Variants in CUX2 observed in about 807,000 individuals in gnomAD.
CUX2 encodes the protein cut like homeobox 2.
Under a neutral mutation model 144.8 loss-of-function variants are expected in CUX2, and 40 were observed. The ratio of observed to expected loss-of-function variants is 0.28; its 90% confidence interval spans 0.21 to 0.36. The LOEUF is 0.36. CUX2 is among the 10% of genes least tolerant of loss of function. The pLI, the probability that CUX2 is intolerant of heterozygous loss-of-function variation, is 1.00. For missense variants in CUX2, 1,615 were observed against 1,994.0 expected, an observed-to-expected ratio of 0.81 and a Z score of 3.62; for synonymous variants, 827 against 875.6, an observed-to-expected ratio of 0.94 and a Z score of 0.98.
intron 1 of CUX2, among the ~76,000 whole-genome samples, chr12:111,113,044 AG>A (rs1309873346): frequency 6.6e-6 from 1 of 152,314 alleles, no homozygotes; most frequent in African/African-American, 2.4e-5. Context: ...AAAGCATAGG[AG>A]CTTGCCAGGG....
intron 1 of CUX2, among the ~76,000 whole-genome samples, chr12:111,201,390 C>A (rs1232870828): frequency 1.3e-5 from 2 of 152,194 alleles, no homozygotes; most frequent in African/African-American, 4.8e-5. Flanking sequence ...AACTTCCCAA[C>A]CTAATCCCCA....
chr12:111,195,083 G>A (rs977134072), intron 1 of CUX2, among the ~76,000 whole-genome samples: 2 of 152,174 alleles, frequency 1.3e-5, no homozygotes, highest in South Asian at 2.1e-4. Context: ...GCCACAAACA[G>A]CCCCGTGGCC....
intron 1 of CUX2, among the ~76,000 whole-genome samples, chr12:111,043,191 G>C (rs568827280): frequency 4.9e-4 from 74 of 152,350 alleles, no homozygotes; most frequent in African/African-American, 1.6e-3. Flanking sequence ...CATGGGACGA[G>C]TGGATGCACA....
chr12:111,331,242 C>T (rs920153027), intron 18 of CUX2, among the ~76,000 whole-genome samples: 15 of 152,092 alleles, frequency 9.9e-5, no homozygotes, highest in African/African-American at 2.2e-4. Flanking sequence ...AACTCACCCA[C>T]GACAGAGAAG....
In CUX2 at chr12:111,295,540, G is replaced by A; in HGVS notation, c.637+131G>A. 5 of 738,058 alleles carry A rather than the reference G, an allele frequency of 6.8e-6. No homozygotes were observed. The highest frequency in any genetic ancestry group is 1.1e-5 in the Non-Finnish European group (5 of 460,784). 45.7% of individuals were successfully genotyped at this position (738,058 alleles called of 1,614,324 possible). A position where few individuals can be genotyped will look rare whatever the true frequency, so the allele number is the denominator to read the frequency against. ...TCAAGAGGGCAAAATGGGAGTTTGG[G>A]AAGAATAATCTTACCCAGTGGGGGG... On this transcript the variant is annotated intron_variant, in intron 7 of 21. Coordinates refer to ENST00000261726, the MANE Select transcript of CUX2 (RefSeq NM_015267.4). The surrounding 1 kb of genome is among the most constrained non-coding windows in gnomAD (Gnocchi z 5.0).
At chr12:111,099,950 A>G (rs1281124481) in intron 1 of CUX2, 1 of 457,138 alleles carries the variant, frequency 2.2e-6, no homozygotes, top group Non-Finnish European at 4.4e-6. Context: ...GCGTCAGCTC[A>G]GAGTCCTGTG....
chr12:111,298,513 T>C (rs1886129459), intron 8 of CUX2, 28 bp from the exon 9 acceptor site: 1 of 1,560,512 alleles, frequency 6.4e-7, no homozygotes, highest in Non-Finnish European at 8.7e-7. Flanking sequence ...CGGAAGCCCT[T>C]CCTCAGGGCC....
intron 1 of CUX2, among the ~76,000 whole-genome samples, chr12:111,048,755 C>A (rs1293287553): frequency 6.6e-6 from 1 of 152,092 alleles, no homozygotes; most frequent in Non-Finnish European, 1.5e-5. Flanking sequence ...GTATTCTGTC[C>A]CAGGGGGTCG....
chr12:111,342,077 C>T, intron 21 of CUX2, 24 bp downstream of exon 21: 1 of 1,589,238 alleles, frequency 6.3e-7, no homozygotes, highest in Non-Finnish European at 8.6e-7. Flanking sequence ...GGCGTACCCA[C>T]AGGCGGGTGG....
intron 1 of CUX2, among the ~76,000 whole-genome samples, chr12:111,080,378 T>C (rs1461873461): frequency 6.6e-6 from 1 of 152,164 alleles, no homozygotes; most frequent in Non-Finnish European, 1.5e-5. Flanking sequence ...CCCATTAAAA[T>C]GTCAGCTCTA....
intron 1 of CUX2, among the ~76,000 whole-genome samples, chr12:111,123,063 G>A (rs896623728): frequency 6.6e-6 from 1 of 152,204 alleles, no homozygotes; most frequent in African/African-American, 2.4e-5. Context: ...TCCTGGCCAG[G>A]CCTGCTGGGC....
chr12:111,084,111 G>A (rs1348910927), intron 1 of CUX2, among the ~76,000 whole-genome samples: 4 of 152,192 alleles, frequency 2.6e-5, no homozygotes, highest in African/African-American at 7.2e-5. Context: ...GCTTGTCAGA[G>A]ACCAGAGGCA....
intron 1 of CUX2, among the ~76,000 whole-genome samples, chr12:111,194,919 C>T (rs1370272517): frequency 6.6e-6 from 1 of 152,226 alleles, no homozygotes; most frequent in South Asian, 2.1e-4. Context: ...AGCTCCTGTA[C>T]CACCCAGTGG....
At chr12:111,137,780 G>A (rs948770126) in intron 1 of CUX2, among the ~76,000 whole-genome samples, 2 of 152,198 alleles carry the variant, frequency 1.3e-5, no homozygotes, top group African/African-American at 2.4e-5. Context: ...CTCCCAAAGC[G>A]CTGGGATTAT....
rs1190303818 is a variant in CUX2, at chr12:111,039,002, C to T, written c.63+4762C>T. On this transcript the variant is annotated intron_variant, in intron 1 of 21. Coordinates refer to ENST00000261726, the MANE Select transcript of CUX2 (RefSeq NM_015267.4). The surrounding 1 kb of genome is among the most constrained non-coding windows in gnomAD (Gnocchi z 4.2). Reference sequence around the variant, plus strand: ...CCTGTTAAAAAGAGGATTCTATCTTCGAACTTGACATTCTGTCATGGTAAC... The same window carrying T: ...CCTGTTAAAAAGAGGATTCTATCTTTGAACTTGACATTCTGTCATGGTAAC... Among the ~76,000 whole-genome samples the T allele has an allele frequency of 1.3e-5, 2 of 151,592 alleles. No homozygotes were observed. The highest frequency in any genetic ancestry group is 2.9e-5 in the Non-Finnish European group (2 of 67,934).
intron 6 of CUX2, among the ~76,000 whole-genome samples, chr12:111,294,084 G>A (rs892987205): frequency 6.6e-6 from 1 of 152,210 alleles, no homozygotes; most frequent in African/African-American, 2.4e-5. Flanking sequence ...CTGTAATCCC[G>A]ACACTTTGGG....
In CUX2 at chr12:111,122,383, G is replaced by A. The variant is rs372048412; in HGVS notation, c.63+88143G>A. On this transcript the variant is annotated intron_variant, in intron 1 of 21. Coordinates refer to ENST00000261726, the MANE Select transcript of CUX2 (RefSeq NM_015267.4). ...AGAAGAAAATCAAGTCAACACTCAAGAGTATACACAGCCCTTTATGGAGAT... is the reference window on the plus strand; with the variant it reads ...AGAAGAAAATCAAGTCAACACTCAAAAGTATACACAGCCCTTTATGGAGAT... 3.2e-4 allele frequency among the ~76,000 whole-genome samples: 49 copies of A among 152,156 alleles called. No individual in the cohort carries two copies. The South Asian group carries it at 8.9e-3, about 28-fold the overall frequency.
intron 1 of CUX2, among the ~76,000 whole-genome samples, chr12:111,156,312 C>G (rs1877367826): frequency 6.6e-6 from 1 of 152,170 alleles, no homozygotes. Flanking sequence ...TTCTTCCTGC[C>G]CTCATCCCTG....
Position 111,263,650 on chromosome 12 carries a change from CAAAACAAAAA to C in CUX2, c.223-109_223-100del, listed in dbSNP as rs924093507. 1.9e-5 allele frequency: 17 copies of C among 903,654 alleles called. No individual in the cohort carries two copies. Among genetic ancestry groups the C allele is most frequent in the Non-Finnish European group, 2.5e-5 (14 of 556,480 alleles). The allele number at this position is 903,654 out of a possible 1,614,324, so 56.0% of individuals were successfully genotyped here. ...AAAAACAAAACAAAACAAAACAAAA[CAAAACAAAAA>C]ACCTGCAGATGTTTTCTTGTGGAAA... On this transcript the variant is annotated intron_variant, in intron 3 of 21. Transcript: ENST00000261726. The surrounding 1 kb of genome is among the most constrained non-coding windows in gnomAD (Gnocchi z 4.0).
Sources: gnomAD v4.1 joint callset for allele counts (sites outside exome capture counted in the v4.1 genomes callset) on GRCh38, gnomAD v4.1.1 for gene constraint, Gnocchi (gnomAD v3.1) non-coding constraint, MANE v1.5 for transcripts, NCBI Gene and HGNC (gene_info 2026-07-23, HGNC 2026-07-21) for gene names.